Variants in IL1RAPL1 observed in about 807,000 individuals in gnomAD.
IL1RAPL1 encodes the protein interleukin 1 receptor accessory protein like 1, also known as interleukin-1 receptor accessory protein-like 1.
Under a neutral mutation model 48.4 loss-of-function variants are expected in IL1RAPL1, and 3 were observed. The observed-to-expected ratio is 0.06, with a 90% confidence interval of 0.03 to 0.16. The LOEUF is 0.16. IL1RAPL1 is among the 10% of genes least tolerant of loss of function. The pLI is 1.00. For missense variants in IL1RAPL1, 349 were observed against 530.6 expected (o/e 0.66, Z 3.36); for synonymous variants, 185 against 187.7 (o/e 0.99, Z 0.12).
At chrX:28,912,611 T>C (rs1010724600) in intron 2 of IL1RAPL1, among the ~76,000 whole-genome samples, 2 of 111,024 alleles carry the variant, frequency 1.8e-5, no homozygotes, top group African/African-American at 6.5e-5. Context: ...GTATGAGAAA[T>C]TGAAACACAT....
intron 2 of IL1RAPL1, among the ~76,000 whole-genome samples, chrX:29,099,906 G>A (rs1047550393): frequency 4.5e-5 from 5 of 110,838 alleles, no homozygotes; most frequent in Non-Finnish European, 9.4e-5. Context: ...ATTTATATGA[G>A]TTTCTCTCCT....
At chrX:28,659,622 T>C (rs1934794269) in intron 1 of IL1RAPL1, among the ~76,000 whole-genome samples, 1 of 111,780 alleles carries the variant, frequency 8.9e-6, no homozygotes. Flanking sequence ...CGAACACAAT[T>C]GCTCCAATTA....
chrX:29,418,569 G>A (rs1438279370), intron 5 of IL1RAPL1, among the ~76,000 whole-genome samples: 2 of 111,692 alleles, frequency 1.8e-5, no homozygotes, highest in East Asian at 2.8e-4. Context: ...TTGCTATGGC[G>A]TAATTGAGCT....
rs1307086430 is a variant in IL1RAPL1, at chrX:29,801,028, A to C, written c.779-116436A>C. Among the ~76,000 whole-genome samples the C allele has an allele frequency of 7.0e-4, 53 of 75,597 alleles. 1 individual carries two copies. The highest frequency in any genetic ancestry group is 1.0e-3 in the Non-Finnish European group (41 of 40,616). 65.6% of individuals were successfully genotyped at this position (75,597 alleles called of 115,157 possible). A position where few individuals can be genotyped will look rare whatever the true frequency, so the allele number is the denominator to read the frequency against. On this transcript the variant is annotated intron_variant, in intron 6 of 10. Transcript: ENST00000378993. Reference sequence around the variant, plus strand: ...AAAAAAAAAAAAAAAAAAAAAAAAAAAAAAAACTCTCCGTCTCAAAAAAAA... The same window carrying C: ...AAAAAAAAAAAAAAAAAAAAAAAAACAAAAAACTCTCCGTCTCAAAAAAAA...
intron 8 of IL1RAPL1, among the ~76,000 whole-genome samples, chrX:29,922,004 TA>T (rs771662246): frequency 3.6e-5 from 4 of 111,467 alleles, no homozygotes; most frequent in East Asian, 2.8e-4. Context: ...AAAATGGAGT[TA>T]GGGGAGAGAA....
chrX:28,761,259 G>C (rs1315094342), intron 1 of IL1RAPL1, among the ~76,000 whole-genome samples: 1 of 110,519 alleles, frequency 9.0e-6, no homozygotes, highest in Non-Finnish European at 1.9e-5. Flanking sequence ...TCCCACTACT[G>C]GGTATATACC....
At chrX:29,904,521 C>G (rs1431513345) in intron 6 of IL1RAPL1, among the ~76,000 whole-genome samples, 1 of 109,552 alleles carries the variant, frequency 9.1e-6, no homozygotes, top group Non-Finnish European at 1.9e-5. Flanking sequence ...CTCTCCCTCC[C>G]TTTGCCCCCA....
chrX:29,547,766 C>T (rs1293193589), intron 5 of IL1RAPL1, among the ~76,000 whole-genome samples: 1 of 111,785 alleles, frequency 8.9e-6, no homozygotes, highest in African/African-American at 3.2e-5. Context: ...TGAAGAAAAG[C>T]AAGCATAACG....
chrX:29,466,673 G>A (rs1358903281), intron 5 of IL1RAPL1, among the ~76,000 whole-genome samples: 2 of 111,894 alleles, frequency 1.8e-5, no homozygotes, highest in African/African-American at 3.2e-5. Context: ...GTTAAACTTC[G>A]AGGTTCTGTC....
intron 2 of IL1RAPL1, among the ~76,000 whole-genome samples, chrX:29,015,169 A>G (rs1285959463): frequency 9.0e-6 from 1 of 111,428 alleles, no homozygotes; most frequent in Non-Finnish European, 1.9e-5. Flanking sequence ...AACTATAGCT[A>G]ACAATGTTGG....
At chrX:29,202,186 A>T (rs185646811) in intron 2 of IL1RAPL1, among the ~76,000 whole-genome samples, 1 of 112,093 alleles carries the variant, frequency 8.9e-6, no homozygotes, top group African/African-American at 3.2e-5. Context: ...ACAATCCTAT[A>T]AAAAAGTGGG....
intron 6 of IL1RAPL1, among the ~76,000 whole-genome samples, chrX:29,797,756 C>T (rs916080702): frequency 9.9e-5 from 11 of 111,011 alleles, no homozygotes; most frequent in African/African-American, 3.6e-4. Flanking sequence ...ACCTGTAATC[C>T]CAGCTTCTTG....
At chrX:29,203,722 A>AATATAGATATATATATATATATAT (rs1419764371) in intron 2 of IL1RAPL1, among the ~76,000 whole-genome samples, 11 of 78,414 alleles carry the variant, frequency 1.4e-4, no homozygotes, top group African/African-American at 5.9e-4. Flanking sequence ...TCCGTCTCAA[A>AATATAGATATATATATATATATAT]ATATATATAT....
intron 3 of IL1RAPL1, among the ~76,000 whole-genome samples, chrX:29,320,801 A>C: frequency 9.0e-6 from 1 of 110,670 alleles, no homozygotes; most frequent in East Asian, 2.8e-4. Context: ...ATACTATGTT[A>C]TTTACTTAAT....
chrX:29,064,971 G>A (rs1927423708), intron 2 of IL1RAPL1, among the ~76,000 whole-genome samples: 2 of 111,333 alleles, frequency 1.8e-5, no homozygotes, highest in Non-Finnish European at 3.8e-5. Flanking sequence ...GAGGATATGA[G>A]TTACCATCTA....
chrX:28,738,042 C>G (rs1024164699), intron 1 of IL1RAPL1, among the ~76,000 whole-genome samples: 17 of 111,764 alleles, frequency 1.5e-4, no homozygotes, highest in African/African-American at 4.9e-4. Context: ...AAATAATTAT[C>G]CATTCAGATA....
chrX:29,260,782 T>A (rs1931841870), intron 2 of IL1RAPL1, among the ~76,000 whole-genome samples: 1 of 110,471 alleles, frequency 9.1e-6, no homozygotes, highest in Non-Finnish European at 1.9e-5. Context: ...TTACCCAGAA[T>A]ACTCTATCAC....
intron 1 of IL1RAPL1, among the ~76,000 whole-genome samples, chrX:28,733,109 A>G (rs1188725430): frequency 4.6e-5 from 5 of 108,558 alleles, no homozygotes; most frequent in African/African-American, 6.9e-5. Context: ...GTGTGTGTGT[A>G]TATAATATAT....
chrX:29,353,007 T>C (rs1350717200), intron 3 of IL1RAPL1, among the ~76,000 whole-genome samples: 1 of 112,063 alleles, frequency 8.9e-6, no homozygotes, highest in Non-Finnish European at 1.9e-5. Flanking sequence ...ATTTTTAAAC[T>C]CTGCTTTAGC....
Sources: gnomAD v4.1 joint callset for allele counts (sites outside exome capture counted in the v4.1 genomes callset) on GRCh38, gnomAD v4.1.1 for gene constraint, MANE v1.5 for transcripts, NCBI Gene and HGNC (gene_info 2026-07-23, HGNC 2026-07-21) for gene names.